ANKS1B: variants seen among roughly 807,000 people sequenced by gnomAD.
The protein encoded by ANKS1B is ankyrin repeat and sterile alpha motif domain containing 1B.
ANKS1B carries 36 observed loss-of-function variants against 148.3 expected under a neutral mutation model. The ratio of observed to expected loss-of-function variants is 0.24; its 90% CI spans 0.19 to 0.32. ANKS1B has a LOEUF of 0.32. Among genes scored for constraint, ANKS1B ranks in the 10% least tolerant of loss-of-function variants. The probability of loss-of-function intolerance (pLI) is 1.00; values close to 1 mark genes in which losing one functional copy is unlikely to be tolerated. For missense variants in ANKS1B, 1,157 were observed against 1,542.6 expected (o/e 0.75, Z 4.19); for synonymous variants, 542 against 560.8 (o/e 0.97, Z 0.47).
intron 14 of ANKS1B, among the ~76,000 whole-genome samples, chr12:99,169,374 T>C (rs1167590404): frequency 6.6e-6 from 1 of 152,110 alleles, no homozygotes; most frequent in East Asian, 1.9e-4. Flanking sequence ...AGCAGTTAAT[T>C]ATGTTTGCTA....
intron 17 of ANKS1B, among the ~76,000 whole-genome samples, chr12:98,877,066 G>A (rs896060405): frequency 2.0e-5 from 3 of 152,162 alleles, no homozygotes; most frequent in Admixed American, 2.0e-4. Flanking sequence ...TAGCAACACA[G>A]CCAATCTAAT....
At chr12:99,104,275 G>T (rs1230922371) in intron 15 of ANKS1B, among the ~76,000 whole-genome samples, 2 of 152,112 alleles carry the variant, frequency 1.3e-5, no homozygotes, top group Non-Finnish European at 2.9e-5. Flanking sequence ...GTGTATGTTG[G>T]GGGAGTGAGG....
chr12:98,870,277 A>G (rs2099649932), intron 17 of ANKS1B, among the ~76,000 whole-genome samples: 1 of 152,220 alleles, frequency 6.6e-6, no homozygotes, highest in Non-Finnish European at 1.5e-5. Flanking sequence ...CTGGTCAGCT[A>G]TGCATTCCCA....
intron 18 of ANKS1B, among the ~76,000 whole-genome samples, chr12:98,830,638 G>A (rs756489721): frequency 3.9e-5 from 6 of 152,180 alleles, no homozygotes; most frequent in Non-Finnish European, 8.8e-5. Context: ...GGTTACGTCC[G>A]GGTGCCGTGC....
At chr12:98,882,022 G>T (rs1280804130) in intron 17 of ANKS1B, among the ~76,000 whole-genome samples, 2 of 151,994 alleles carry the variant, frequency 1.3e-5, no homozygotes, top group Non-Finnish European at 2.9e-5. Context: ...TCTTACTATG[G>T]AAATTCACTG....
At chr12:99,253,246 G>A (rs2153975485) in intron 12 of ANKS1B, among the ~76,000 whole-genome samples, 1 of 151,958 alleles carries the variant, frequency 6.6e-6, no homozygotes, top group South Asian at 2.1e-4. Flanking sequence ...AAAGGCAGTG[G>A]GGGTGGCATC....
chr12:98,953,537 G>GT (rs1166158783), intron 17 of ANKS1B, among the ~76,000 whole-genome samples: 3,679 of 57,404 alleles, frequency 0.064, 1,312 homozygotes, highest in Non-Finnish European at 0.089. Flanking sequence ...ATCTAGAGTG[G>GT]TTTTTTTTTT....
chr12:99,339,560 G>A (rs896189584), intron 12 of ANKS1B, among the ~76,000 whole-genome samples: 9 of 152,088 alleles, frequency 5.9e-5, no homozygotes, highest in African/African-American at 1.9e-4. Context: ...TTCCTGAGGT[G>A]GGGGAGTACA....
intron 17 of ANKS1B, among the ~76,000 whole-genome samples, chr12:98,853,365 T>C (rs1369227058): frequency 1.3e-5 from 2 of 152,180 alleles, no homozygotes; most frequent in Admixed American, 6.5e-5. Context: ...ATGTGCTTCC[T>C]CCTTGTTCTG....
chr12:98,787,698 T>C (rs1028023763), intron 22 of ANKS1B, among the ~76,000 whole-genome samples: 2 of 151,816 alleles, frequency 1.3e-5, no homozygotes, highest in African/African-American at 4.8e-5. Flanking sequence ...GGTGGGCGGA[T>C]TGCCTGAGCT....
At chr12:99,947,681 G>T (rs1243166034) in intron 1 of ANKS1B, among the ~76,000 whole-genome samples, 1 of 152,086 alleles carries the variant, frequency 6.6e-6, no homozygotes, top group Non-Finnish European at 1.5e-5. Context: ...CTTAGCTGGG[G>T]TCTCTGCTTC....
At chr12:99,364,165 GTCTA>G (rs1468432252) in intron 12 of ANKS1B, among the ~76,000 whole-genome samples, 24 of 152,232 alleles carry the variant, frequency 1.6e-4, no homozygotes, top group African/African-American at 5.5e-4. Context: ...CAGGACTCCT[GTCTA>G]TATAAACAGT....
chr12:99,621,708 A>G (rs1161491560), intron 9 of ANKS1B, among the ~76,000 whole-genome samples: 1 of 152,094 alleles, frequency 6.6e-6, no homozygotes, highest in East Asian at 1.9e-4. Flanking sequence ...AGACTTAACT[A>G]TCCTAGATAT....
At chr12:99,083,240 A>G (rs1315256060) in intron 16 of ANKS1B, among the ~76,000 whole-genome samples, 1 of 152,198 alleles carries the variant, frequency 6.6e-6, no homozygotes, top group Admixed American at 6.6e-5. Flanking sequence ...GGAGGGAGAA[A>G]GTATAGCCTC....
At position 98,980,444 on chromosome 12, in the gene ANKS1B, G is replaced by A. The variant is rs1190880892; in HGVS notation, c.2778+72713C>T. On this transcript the variant is annotated intron_variant, in intron 17 of 26. Coordinates refer to ENST00000683438, the MANE Select transcript of ANKS1B (RefSeq NM_001352186.2). ...GATGGTCTAGATCTCCTGACCTCGT[G>A]ATCTGCCCGCCTCGGCCTCCCGAAG... 2.6e-5 allele frequency among the ~76,000 whole-genome samples: 4 copies of A among 152,228 alleles called. 1 individual carries two copies. Among genetic ancestry groups the A allele is most frequent in the Non-Finnish European group, 5.9e-5 (4 of 68,042 alleles).
intron 1 of ANKS1B, among the ~76,000 whole-genome samples, chr12:99,982,098 T>C (rs2095710783): frequency 2.0e-5 from 3 of 152,128 alleles, no homozygotes; most frequent in Admixed American, 2.0e-4. Context: ...TTAAAGGTTA[T>C]TGGTTTTGTT....
At chr12:99,140,879 T>G (rs2070467824) in intron 15 of ANKS1B, among the ~76,000 whole-genome samples, 1 of 152,150 alleles carries the variant, frequency 6.6e-6, no homozygotes, top group Non-Finnish European at 1.5e-5. Flanking sequence ...TTTTAATATC[T>G]TCTCTATCCT....
At chr12:98,839,975 G>A (rs10492273) in intron 17 of ANKS1B, among the ~76,000 whole-genome samples, 15,541 of 152,130 alleles carry the variant, frequency 0.1, 883 homozygotes, top group Non-Finnish European at 0.11. Context: ...GCGCTGAAAA[G>A]TCAGATATAG....
chr12:99,374,765 ATCT>A lies in ANKS1B; in HGVS notation c.1756+24863_1756+24865del, dbSNP rs2093317915. Among the ~76,000 whole-genome samples, 3 of 152,174 alleles carry A rather than the reference ATCT, an allele frequency of 2.0e-5. No individual in the cohort carries two copies. The South Asian group carries it at 6.2e-4, about 31-fold the overall frequency. On this transcript the variant is annotated intron_variant, in intron 12 of 26. Transcript: ENST00000683438. The stretch of plus-strand genomic sequence containing the variant: ...TTATCTAAAAGATCTTAAATCACAC[ATCT>A]TCTTTGTGTTTCTGGTATGCCAAGT...
Sources: allele counts gnomAD v4.1 joint callset (sites outside exome capture counted in the v4.1 genomes callset), GRCh38; gene constraint gnomAD v4.1.1; transcripts MANE v1.5; gene names NCBI Gene and HGNC (gene_info 2026-07-23, HGNC 2026-07-21).